Variants in SLC38A1 observed in about 807,000 individuals in gnomAD.
SLC38A1 encodes the protein solute carrier family 38 member 1, also known as sodium-coupled neutral amino acid symporter 1.
In SLC38A1, 18 loss-of-function variants were observed where a neutral mutation model predicts 60.3. The observed-to-expected ratio is 0.30, with a 90% CI of 0.21 to 0.44. The LOEUF (loss-of-function observed/expected upper bound fraction) is 0.44, where lower values mean the gene tolerates loss of function less well. Among genes scored for constraint, SLC38A1 ranks in the 20% least tolerant of loss-of-function variants. The pLI is 1.00. For missense variants in SLC38A1, 448 were observed against 587.2 expected, an observed-to-expected ratio of 0.76 and a Z score of 2.45; for synonymous variants, 196 against 212.1, an observed-to-expected ratio of 0.92 and a Z score of 0.66.
At chr12:46,218,560 G>A (rs1030958396) in intron 5 of SLC38A1, among the ~76,000 whole-genome samples, 1 of 152,038 alleles carries the variant, frequency 6.6e-6, no homozygotes, top group African/African-American at 2.4e-5. Flanking sequence ...AGTCATCTTG[G>A]GCAAGTTGCT....
chr12:46,197,027 T>C (rs1274598651), intron 16 of SLC38A1, among the ~76,000 whole-genome samples: 1 of 152,236 alleles, frequency 6.6e-6, no homozygotes, highest in Non-Finnish European at 1.5e-5. Flanking sequence ...AGGAGTTACA[T>C]GACTAGAAAT....
rs1304792376 is a variant in SLC38A1, at chr12:46,268,064, G to C, written c.-209+462C>G. On this transcript the variant is annotated intron_variant, in intron 1 of 16. Transcript: ENST00000398637. This position sits in a 1 kb window ranked among gnomAD's most constrained non-coding sequence, Gnocchi z 4.4. ...ACGCAGCACCCCCCGGACATCACACGATCTCCTCTGGGCCTTGCGGACACA... is the reference window on the plus strand; with the variant it reads ...ACGCAGCACCCCCCGGACATCACACCATCTCCTCTGGGCCTTGCGGACACA... Among the ~76,000 whole-genome samples the C allele has an allele frequency of 6.6e-6, 1 of 152,162 alleles. No individual in the cohort carries two copies. Among genetic ancestry groups the C allele is most frequent in the Admixed American group, 6.5e-5 (1 of 15,280 alleles).
At chr12:46,233,530 C>G (rs1277596483) in intron 3 of SLC38A1, among the ~76,000 whole-genome samples, 1 of 152,114 alleles carries the variant, frequency 6.6e-6, no homozygotes, top group African/African-American at 2.4e-5. Flanking sequence ...GTAACACTCC[C>G]CTGGGTTGGT....
At chr12:46,191,021 G>C (rs568961485) in intron 16 of SLC38A1, among the ~76,000 whole-genome samples, 77 of 152,268 alleles carry the variant, frequency 5.1e-4, no homozygotes, top group South Asian at 3.9e-3. Flanking sequence ...TCTATGTCCT[G>C]AATGGTATTG....
intron 5 of SLC38A1, among the ~76,000 whole-genome samples, chr12:46,219,930 T>C (rs1231141330): frequency 2.0e-5 from 3 of 152,224 alleles, no homozygotes; most frequent in Non-Finnish European, 4.4e-5. Flanking sequence ...ACTCAGGGTA[T>C]ACACTCTAGC....
In SLC38A1 at chr12:46,187,853, A is replaced by G. The variant is rs895292146; in HGVS notation, c.*1117T>C. 6.6e-6 allele frequency: 1 copy of G among 150,430 alleles called. No homozygotes were observed. The highest frequency in any genetic ancestry group is 1.5e-5 in the Non-Finnish European group (1 of 67,884). 9.3% of individuals were successfully genotyped at this position (150,430 alleles called of 1,614,324 possible). A position where few individuals can be genotyped will look rare whatever the true frequency, so the allele number is the denominator to read the frequency against. ...GAAGAAATAGAAATGAGGCTTATTT[A>G]AGGTACAAAATTCTTGTATTTGTAA... On this transcript the variant is annotated 3_prime_UTR_variant, in exon 17 of 17. Coordinates refer to ENST00000398637, the MANE Select transcript of SLC38A1 (RefSeq NM_030674.4).
At chr12:46,225,106 T>C (rs1422144107) in intron 5 of SLC38A1, among the ~76,000 whole-genome samples, 1 of 152,110 alleles carries the variant, frequency 6.6e-6, no homozygotes, top group Non-Finnish European at 1.5e-5. Flanking sequence ...TAGTAGACAA[T>C]AATGAAATTT....
intron 16 of SLC38A1, among the ~76,000 whole-genome samples, chr12:46,195,213 G>A (rs1939313409): frequency 6.6e-6 from 1 of 152,176 alleles, no homozygotes; most frequent in African/African-American, 2.4e-5. Context: ...CAGGTTTGTT[G>A]GAGTTTGCTG....
chr12:46,255,094 A>G (rs966296974), intron 1 of SLC38A1, among the ~76,000 whole-genome samples: 2 of 152,186 alleles, frequency 1.3e-5, no homozygotes, highest in African/African-American at 4.8e-5. Context: ...TTCTATTCTA[A>G]TGTCACAATT....
rs1419369061 is a variant in SLC38A1 at position 46,185,162 on chromosome 12, A to G, written c.*3808T>C. On this transcript the variant is annotated 3_prime_UTR_variant, in exon 17 of 17. Transcript: ENST00000398637. ...TGATGCGCTTTAGAATCATTTGCTG[A>G]GTCCCTCCCTGAGAGCTTCTGACTT... is the stretch of plus-strand genomic sequence containing the variant. 6.6e-6 allele frequency: 1 copy of G among 152,192 alleles called. No individual in the cohort carries two copies. Among genetic ancestry groups the G allele is most frequent in the African/African-American group, 2.4e-5 (1 of 41,414 alleles). The allele number at this position is 152,192 out of a possible 1,614,324, so 9.4% of individuals were successfully genotyped here.
chr12:46,233,242 C>T (rs77791917), intron 3 of SLC38A1, among the ~76,000 whole-genome samples: 15 of 151,960 alleles, frequency 9.9e-5, no homozygotes, highest in African/African-American at 2.9e-4. Context: ...ACGCTGGTCT[C>T]GAACTCCTTG....
At chr12:46,227,317 C>T (rs1038017288) in intron 5 of SLC38A1, among the ~76,000 whole-genome samples, 3 of 151,978 alleles carry the variant, frequency 2.0e-5, no homozygotes, top group African/African-American at 7.3e-5. Flanking sequence ...TAAGTAAATC[C>T]AGAAAGAATA....
intron 16 of SLC38A1, chr12:46,195,909 G>A (rs1939352975): frequency 5.0e-6 from 2 of 398,476 alleles, no homozygotes; most frequent in African/African-American, 4.1e-5. Context: ...TGTGCTTCCT[G>A]GGTGAGGTGA....
chr12:46,267,758 G>C lies in SLC38A1; in HGVS notation c.-209+768C>G, dbSNP rs534563133. On this transcript the variant is annotated intron_variant, in intron 1 of 16. Transcript: ENST00000398637. ...GGGGAGGAGGTGGGACTGGAAGCGA[G>C]AGCAGTCTGCGCCCAAGACCGCGCA... The C allele has an allele frequency of 2.3e-3, 346 of 152,454 alleles. 1 individual carries two copies. The highest frequency in any genetic ancestry group is 7.9e-3 in the African/African-American group (328 of 41,586). 9.4% of individuals were successfully genotyped at this position (152,454 alleles called of 1,614,324 possible).
intron 16 of SLC38A1, among the ~76,000 whole-genome samples, chr12:46,191,559 C>T (rs190524316): frequency 3.3e-5 from 5 of 152,300 alleles, no homozygotes; most frequent in Admixed American, 6.5e-5. Context: ...TTCTTCCTAT[C>T]CATGAGCGTG....
intron 12 of SLC38A1, among the ~76,000 whole-genome samples, chr12:46,201,825 C>G (rs367994040): frequency 6.0e-5 from 9 of 150,672 alleles, no homozygotes; most frequent in African/African-American, 2.0e-4. Flanking sequence ...CAATAAATAA[C>G]AGACCACAGA....
intron 5 of SLC38A1, among the ~76,000 whole-genome samples, chr12:46,224,847 A>G (rs1940803833): frequency 1.3e-5 from 2 of 152,172 alleles, no homozygotes; most frequent in Admixed American, 1.3e-4. Flanking sequence ...CAAATAACTA[A>G]ATGATCTATA....
At chr12:46,244,494 T>C (rs1209055254) in intron 1 of SLC38A1, among the ~76,000 whole-genome samples, 3 of 151,832 alleles carry the variant, frequency 2.0e-5, no homozygotes, top group Non-Finnish European at 2.9e-5. Flanking sequence ...AATGGGAGAG[T>C]GGTGGTGGCC....
chr12:46,249,005 A>T (rs1214951047), intron 1 of SLC38A1, among the ~76,000 whole-genome samples: 1 of 151,868 alleles, frequency 6.6e-6, no homozygotes. Context: ...AAATACAAAA[A>T]ATTAACCAGG....
Sources: gnomAD v4.1 joint callset for allele counts (sites outside exome capture counted in the v4.1 genomes callset) on GRCh38, gnomAD v4.1.1 for gene constraint, Gnocchi (gnomAD v3.1) non-coding constraint, MANE v1.5 for transcripts, NCBI Gene and HGNC (gene_info 2026-07-23, HGNC 2026-07-21) for gene names.